Variants in OR7C1 observed in about 807,000 individuals in gnomAD.
OR7C1 encodes the protein olfactory receptor 7C1.
For missense variants in OR7C1, 324 were observed against 383.3 expected (o/e 0.85, Z 1.29); for synonymous variants, 152 against 160.7 (o/e 0.95, Z 0.41).
intron 1 of OR7C1, among the ~76,000 whole-genome samples, chr19:14,829,613 G>A (rs898662962): frequency 1.3e-5 from 2 of 152,166 alleles, no homozygotes; most frequent in Non-Finnish European, 2.9e-5. Context: ...GCAGAATAAG[G>A]GGACCTGGCT....
At chr19:14,818,866 A>G (rs1403298136) in intron 1 of OR7C1, among the ~76,000 whole-genome samples, 1 of 152,142 alleles carries the variant, frequency 6.6e-6, no homozygotes, top group Non-Finnish European at 1.5e-5. Context: ...ATCGCAATAA[A>G]TCACCTTTTA....
intron 1 of OR7C1, among the ~76,000 whole-genome samples, chr19:14,812,200 A>C (rs2044693994): frequency 6.6e-6 from 1 of 152,202 alleles, no homozygotes. Context: ...TAGGGGCTAC[A>C]CTTAGAGCTG....
chr19:14,829,130 A>T (rs908424359), intron 1 of OR7C1, among the ~76,000 whole-genome samples: 3 of 152,222 alleles, frequency 2.0e-5, no homozygotes, highest in Admixed American at 2.0e-4. Flanking sequence ...ACAGGGCAAG[A>T]TTCATGAAGT....
At chr19:14,822,481 T>C (rs1397954613) in intron 1 of OR7C1, among the ~76,000 whole-genome samples, 3 of 144,620 alleles carry the variant, frequency 2.1e-5, no homozygotes, top group African/African-American at 7.6e-5. Context: ...ACCACCCAAG[T>C]TCAAGCAATT....
chr19:14,805,028 C>A (rs764664012), intron 2 of OR7C1, among the ~76,000 whole-genome samples: 1 of 151,832 alleles, frequency 6.6e-6, no homozygotes, highest in Non-Finnish European at 1.5e-5. Flanking sequence ...TGCACCGTCA[C>A]ACCCAGAAGC....
intron 1 of OR7C1, among the ~76,000 whole-genome samples, chr19:14,822,318 A>G (rs1182993907): frequency 6.6e-6 from 1 of 150,874 alleles, no homozygotes. Context: ...AGTTTCCACC[A>G]AAAAGGTACA....
At position 14,832,446 on chromosome 19, in the gene OR7C1, T is replaced by A. The variant is rs527479516; in HGVS notation, c.-623+2628A>T. 1.2e-3 allele frequency among the ~76,000 whole-genome samples: 176 copies of A among 150,220 alleles called. 1 individual carries two copies. Among genetic ancestry groups the A allele is most frequent in the African/African-American group, 4.2e-3 (172 of 40,876 alleles). ...TCTTTTTTCTTTTCTTTTTTTTTTT[T>A]AATGGAGCCTTGCTCTGTCACCAGG... On this transcript the variant is annotated intron_variant, in intron 1 of 4. Transcript: ENST00000641666.
chr19:14,801,497 G>A (rs1009399356), intron 2 of OR7C1, among the ~76,000 whole-genome samples: 1 of 152,126 alleles, frequency 6.6e-6, no homozygotes, highest in African/African-American at 2.4e-5. Flanking sequence ...AAATTTTATA[G>A]GTACTGCGTA....
chr19:14,823,164 G>C (rs752159504), intron 1 of OR7C1, among the ~76,000 whole-genome samples: 1 of 152,090 alleles, frequency 6.6e-6, no homozygotes, highest in African/African-American at 2.4e-5. Context: ...AAAAATTTGC[G>C]TAAATTGGTT....
At position 14,827,421 on chromosome 19, in the gene OR7C1, G is replaced by T. The variant is rs1346287876; in HGVS notation, c.-623+7653C>A. The T allele has an allele frequency of 2.5e-6, 4 of 1,614,114 alleles. No homozygotes were observed. The Middle Eastern group carries it at 4.9e-4, about 200-fold the overall frequency. On this transcript the variant is annotated intron_variant, in intron 1 of 4. Transcript: ENST00000641666. ...GGTGACCACAGTGTACATCACTGAGGCTGTTGCACTTGAGTGTGAGTTGCG... is the reference window on the plus strand; with the variant it reads ...GGTGACCACAGTGTACATCACTGAGTCTGTTGCACTTGAGTGTGAGTTGCG...
At chr19:14,818,063 TTTA>T (rs1218280355) in intron 1 of OR7C1, among the ~76,000 whole-genome samples, 4 of 9,984 alleles carry the variant, frequency 4.0e-4, no homozygotes, top group African/African-American at 2.5e-3. Flanking sequence ...TTTTATTTAT[TTTA>T]TTTATTTATT....
intron 1 of OR7C1, among the ~76,000 whole-genome samples, chr19:14,812,556 G>C (rs763244719): frequency 2.0e-5 from 3 of 151,970 alleles, no homozygotes; most frequent in Non-Finnish European, 2.9e-5. Context: ...CCTTTCATGT[G>C]AAATCCTTAG....
At chr19:14,823,206 AC>A (rs1367040439) in intron 1 of OR7C1, among the ~76,000 whole-genome samples, 5 of 152,220 alleles carry the variant, frequency 3.3e-5, no homozygotes, top group Admixed American at 6.5e-5. Flanking sequence ...TAATCCCAGC[AC>A]TTTGGGAGGC....
intron 1 of OR7C1, among the ~76,000 whole-genome samples, chr19:14,819,822 A>G (rs1415566732): frequency 6.6e-6 from 1 of 152,162 alleles, no homozygotes; most frequent in African/African-American, 2.4e-5. Flanking sequence ...GTTTTTGTCA[A>G]CTTAATCTCA....
At chr19:14,830,098 A>T (rs2075512229) in intron 1 of OR7C1, among the ~76,000 whole-genome samples, 2 of 152,064 alleles carry the variant, frequency 1.3e-5, no homozygotes, top group South Asian at 4.1e-4. Context: ...CCTGGCCTCA[A>T]GTGAACCTTC....
At chr19:14,822,373 C>CTTTT (rs1162241411) in intron 1 of OR7C1, among the ~76,000 whole-genome samples, 3,035 of 67,672 alleles carry the variant, frequency 0.045, 528 homozygotes, top group Non-Finnish European at 0.054. Flanking sequence ...TATCTCCTGT[C>CTTTT]TTTTTTTTTT....
intron 1 of OR7C1, among the ~76,000 whole-genome samples, chr19:14,831,927 G>A (rs1265055642): frequency 3.3e-5 from 5 of 152,076 alleles, no homozygotes; most frequent in African/African-American, 9.7e-5. Flanking sequence ...ATTCATTGTT[G>A]AGATAGGGTC....
intron 1 of OR7C1, among the ~76,000 whole-genome samples, chr19:14,814,753 T>C (rs2145062745): frequency 6.6e-6 from 1 of 152,202 alleles, no homozygotes; most frequent in East Asian, 1.9e-4. Context: ...TGAACGGACC[T>C]CCTCTTGGCC....
At chr19:14,805,802 A>G (rs1433757036) in intron 2 of OR7C1, among the ~76,000 whole-genome samples, 2 of 151,884 alleles carry the variant, frequency 1.3e-5, no homozygotes, top group African/African-American at 4.9e-5. Flanking sequence ...GTGACCATCC[A>G]TTAGGGATCT....
Sources: allele counts gnomAD v4.1 joint callset (sites outside exome capture counted in the v4.1 genomes callset), GRCh38; gene constraint gnomAD v4.1.1; transcripts MANE v1.5; gene names NCBI Gene and HGNC (gene_info 2026-07-23, HGNC 2026-07-21).